ATXN1: variants seen among roughly 807,000 people sequenced by gnomAD.
The protein encoded by ATXN1 is ataxin 1.
A neutral mutation model predicts 56.4 loss-of-function variants in ATXN1; 8 were observed. That is an observed-to-expected ratio of 0.14 (90% confidence interval 0.08 to 0.26). ATXN1 has a LOEUF of 0.26. Ranked by LOEUF, ATXN1 falls within the 10% of genes least tolerant of loss-of-function variation. The pLI is 1.00. For synonymous variants in ATXN1, 514 were observed against 494.6 expected (o/e 1.04, Z -0.52); for missense variants, 987 against 1,106.5 (o/e 0.89, Z 1.53).
chr6:16,713,193 G>A (rs1759563357), intron 2 of ATXN1, among the ~76,000 whole-genome samples: 1 of 152,164 alleles, frequency 6.6e-6, no homozygotes, highest in South Asian at 2.1e-4. Context: ...GAGTTGGAGG[G>A]TTTCTGTCCA....
chr6:16,674,336 CTTTTTTTTT>C (rs869081370), intron 2 of ATXN1, among the ~76,000 whole-genome samples: 12 of 78,114 alleles, frequency 1.5e-4, no homozygotes, highest in East Asian at 4.0e-4. Flanking sequence ...AGAGAACTTT[CTTTTTTTTT>C]TTTTTTTTTT....
At chr6:16,744,833 G>C (rs554291900) in intron 2 of ATXN1, among the ~76,000 whole-genome samples, 2 of 152,304 alleles carry the variant, frequency 1.3e-5, no homozygotes, top group African/African-American at 4.8e-5. Flanking sequence ...TAGAAGAAAA[G>C]AGAGGCTGAT....
intron 6 of ATXN1, among the ~76,000 whole-genome samples, chr6:16,333,231 T>C (rs1030105667): frequency 1.3e-5 from 2 of 152,198 alleles, no homozygotes; most frequent in African/African-American, 2.4e-5. Flanking sequence ...CAGAGAAATA[T>C]ACTTTAAAAA....
At chr6:16,613,006 C>T (rs569959186) in intron 3 of ATXN1, among the ~76,000 whole-genome samples, 8 of 151,018 alleles carry the variant, frequency 5.3e-5, no homozygotes, top group Non-Finnish European at 1.2e-4. Context: ...TGGCTCACGC[C>T]TGTAATCCCA....
intron 2 of ATXN1, among the ~76,000 whole-genome samples, chr6:16,702,516 A>G (rs1415446199): frequency 5.3e-5 from 8 of 152,258 alleles, no homozygotes; most frequent in Admixed American, 2.6e-4. Context: ...GCTTCTGCAC[A>G]GCCAAAGAAA....
intron 6 of ATXN1, among the ~76,000 whole-genome samples, chr6:16,420,815 C>T (rs1759016427): frequency 6.6e-6 from 1 of 152,134 alleles, no homozygotes; most frequent in African/African-American, 2.4e-5. Flanking sequence ...TAAAATCTAA[C>T]AGTTACAGAT....
At chr6:16,337,081 T>C (rs944810238) in intron 6 of ATXN1, among the ~76,000 whole-genome samples, 11 of 152,194 alleles carry the variant, frequency 7.2e-5, no homozygotes, top group African/African-American at 2.7e-4. Flanking sequence ...ACAGCTGCAC[T>C]GGCTGCCATT....
At position 16,327,107 on chromosome 6, in the gene ATXN1, G is replaced by C; in HGVS notation, c.1204C>G (p.His402Asp). 2 of 1,613,544 alleles carry C rather than the reference G, an allele frequency of 1.2e-6. No homozygotes were observed. The change falls in exon 7 of 8, where the codon CAT becomes GAT. Residue 402 changes from histidine (H) to aspartate (D), a missense_variant. Around this residue, in one of 3 missense-constraint regions of ATXN1, gnomAD observed 723 missense variants for 791.7 expected, o/e 0.91. Transcript: ENST00000436367. ...AGGGTAGAAGGGGAGGCTTCACGAT[G>C]AGTGGCCTGTTGCACCTCCAGGTCA... ...AADLEVQQAT[H>D]REASPSTLND...
chr6:16,325,769 T>C (rs1463180752), intron 7 of ATXN1, among the ~76,000 whole-genome samples: 1 of 152,102 alleles, frequency 6.6e-6, no homozygotes, highest in Non-Finnish European at 1.5e-5. Context: ...ACATTATATA[T>C]ATGTTGGAGA....
chr6:16,658,970 G>C (rs1758262333), intron 2 of ATXN1, among the ~76,000 whole-genome samples: 1 of 152,188 alleles, frequency 6.6e-6, no homozygotes, highest in Non-Finnish European at 1.5e-5. Context: ...GAAGCTTACT[G>C]TGTGAATAAC....
chr6:16,731,730 A>G (rs898376330), intron 2 of ATXN1, among the ~76,000 whole-genome samples: 11 of 151,854 alleles, frequency 7.2e-5, no homozygotes, highest in Non-Finnish European at 1.5e-5. Context: ...ATTTTTATCT[A>G]ATTGTATTGC....
At chr6:16,662,275 A>C (rs1758334855) in intron 2 of ATXN1, among the ~76,000 whole-genome samples, 1 of 152,238 alleles carries the variant, frequency 6.6e-6, no homozygotes, top group South Asian at 2.1e-4. Context: ...TCCACTGTAG[A>C]ATATGCTAAA....
chr6:16,306,256 T>C lies in ATXN1; in HGVS notation c.*73A>G, dbSNP rs1287592121. ...AAGATAACATGTAAATACTGTGTTA[T>C]TTTAGCCTACAGTACAGTAATCTGG... On this transcript the variant is annotated 3_prime_UTR_variant, in exon 8 of 8. Transcript: ENST00000436367. The surrounding 1 kb of genome is among the most constrained non-coding windows in gnomAD (Gnocchi z 5.2). 4.7e-6 allele frequency: 7 copies of C among 1,479,026 alleles called. No homozygotes were observed. In the Admixed American group the frequency reaches 6.6e-5, roughly 14 times the overall value. The allele number at this position is 1,479,026 out of a possible 1,614,324, so 91.6% of individuals were successfully genotyped here. A position where few individuals can be genotyped will look rare whatever the true frequency, so the allele number is the denominator to read the frequency against.
At chr6:16,462,340 A>C (rs1390480681) in intron 6 of ATXN1, among the ~76,000 whole-genome samples, 2 of 152,214 alleles carry the variant, frequency 1.3e-5, no homozygotes, top group Non-Finnish European at 2.9e-5. Flanking sequence ...AGCCTCGATA[A>C]ACCTGTGAAC....
At chr6:16,399,838 T>C (rs1316920535) in intron 6 of ATXN1, among the ~76,000 whole-genome samples, 1 of 152,162 alleles carries the variant, frequency 6.6e-6, no homozygotes, top group Non-Finnish European at 1.5e-5. Flanking sequence ...AACAGTGCTG[T>C]TGAGATTCCC....
intron 2 of ATXN1, among the ~76,000 whole-genome samples, chr6:16,708,593 A>G (rs1759456354): frequency 6.6e-6 from 1 of 152,250 alleles, no homozygotes; most frequent in African/African-American, 2.4e-5. Flanking sequence ...GTAGATTTCT[A>G]GACAAGGAGA....
rs1000325733 is a variant in ATXN1, at chr6:16,607,137, G to C, written c.-488-21230C>G. ...GATCCACCCGCCTTGGCCTCCCAAA[G>C]TGTTGGGATTACAGGCATGAGCCAC... On this transcript the variant is annotated intron_variant, in intron 3 of 7. Coordinates refer to ENST00000436367, the MANE Select transcript of ATXN1 (RefSeq NM_001128164.2). 5.3e-5 allele frequency among the ~76,000 whole-genome samples: 8 copies of C among 152,166 alleles called. No homozygotes were observed. In the South Asian group the frequency reaches 1.0e-3, roughly 20 times the overall value.
Position 16,326,490 on chromosome 6 carries a change from G to T in ATXN1, c.1821C>A (p.Asp607Glu). ...DFIQSAEISNDLKIDSSTVER... is the reference protein window; with the variant it reads ...DFIQSAEISNELKIDSSTVER... ...CTACGGTGCTGGAGTCGATCTTCAG[G>T]TCGTTGCTTATCTCTGCACTCTGGA... The change falls in exon 7 of 8, where the codon GAC becomes GAA. Residue 607 changes from aspartate (D) to glutamate (E), a missense_variant. Physicochemically the swap from Asp to Glu is conservative, Grantham distance 45. Coordinates refer to ENST00000436367, the MANE Select transcript of ATXN1 (RefSeq NM_001128164.2). The surrounding 1 kb of genome is among the most constrained non-coding windows in gnomAD (Gnocchi z 6.6). The T allele has an allele frequency of 6.2e-7, 1 of 1,614,150 alleles. No homozygotes were observed. The highest frequency in any genetic ancestry group is 8.5e-7 in the Non-Finnish European group (1 of 1,180,022).
chr6:16,505,831 T>G (rs1760974175), intron 5 of ATXN1, among the ~76,000 whole-genome samples: 1 of 152,208 alleles, frequency 6.6e-6, no homozygotes, highest in Admixed American at 6.5e-5. Context: ...TTTTAAACAC[T>G]TAAGTAATTT....
Sources: allele counts gnomAD v4.1 joint callset (sites outside exome capture counted in the v4.1 genomes callset), GRCh38; gene constraint gnomAD v4.1.1; regional missense constraint gnomAD v4.1.1; non-coding constraint Gnocchi (gnomAD v3.1); transcripts MANE v1.5; gene names NCBI Gene and HGNC (gene_info 2026-07-23, HGNC 2026-07-21).